WDFY3: variants seen among roughly 807,000 people sequenced by gnomAD.
WDFY3 encodes WD repeat and FYVE domain-containing protein 3.
In WDFY3, 66 loss-of-function variants were observed where a neutral mutation model predicts 409.6. The observed-to-expected ratio is 0.16, with a 90% CI of 0.13 to 0.20. WDFY3 has a LOEUF of 0.20. WDFY3 is among the 10% of genes least tolerant of loss of function. The probability of loss-of-function intolerance (pLI) is 1.00; values close to 1 mark genes in which losing one functional copy is unlikely to be tolerated. For synonymous variants in WDFY3, 1,521 were observed against 1,537.1 expected (o/e 0.99, Z 0.25); for missense variants, 3,031 against 4,298.1 (o/e 0.71, Z 8.24).
chr4:84,760,641 T>C (rs1229368974), intron 32 of WDFY3, among the ~76,000 whole-genome samples: 20 of 152,138 alleles, frequency 1.3e-4, no homozygotes, highest in Non-Finnish European at 1.8e-4. Flanking sequence ...TCTGTGGGAT[T>C]GGTGGTGATA....
At chr4:84,780,335 TC>T in intron 25 of WDFY3, 37 bp from the exon 26 acceptor site, 1 of 1,570,556 alleles carries the variant, frequency 6.4e-7, no homozygotes, top group South Asian at 1.2e-5. Flanking sequence ...TAAGATAAAT[TC>T]CCCATGTGAA....
chr4:84,961,487 T>C (rs1561171847), intron 1 of WDFY3, among the ~76,000 whole-genome samples: 1 of 152,174 alleles, frequency 6.6e-6, no homozygotes, highest in African/African-American at 2.4e-5. Flanking sequence ...AAATGGTTCA[T>C]TTTTTAAATT....
rs762543559 is a variant in WDFY3, at chr4:84,743,743, C to T, written c.6030G>A (p.Leu2010=). The T allele has an allele frequency of 6.3e-7, 1 of 1,597,040 alleles. No individual in the cohort carries two copies. The highest frequency in any genetic ancestry group is 8.6e-7 in the Non-Finnish European group (1 of 1,169,498). ...TQQKEFQTYI[L]DSVMDHLLAA... ...CAAGCAAATGGTCCATCACGCTATC[C>T]AAAATGTAAGTTTGAAATTCTTTTT... is the stretch of plus-strand genomic sequence containing the variant. The change falls in exon 37 of 68, where the codon TTG becomes TTA. Residue 2010 remains leucine (L), a synonymous_variant. Transcript: ENST00000295888.
At chr4:84,736,942 T>C (rs1160382696) in intron 41 of WDFY3, among the ~76,000 whole-genome samples, 1 of 149,410 alleles carries the variant, frequency 6.7e-6, no homozygotes, top group Non-Finnish European at 1.5e-5. Flanking sequence ...CTGTTAGCAA[T>C]GCATTACATT....
chr4:84,796,697 A>C lies in WDFY3; in HGVS notation c.2991T>G (p.His997Gln). ...GLGTDNVFSLHEDNHYRISKS... is the reference protein window; with the variant it reads ...GLGTDNVFSLQEDNHYRISKS... ...TGCTTATCCGGTAATGGTTATCTTC[A>C]TGTAAGCTAAAAACATTATCAGTAC... The change falls in exon 19 of 68, where the codon CAT becomes CAG. Residue 997 changes from histidine (H) to glutamine (Q), a missense_variant. By Grantham distance (24) the His-to-Gln change is conservative. Transcript: ENST00000295888. 1 of 1,614,146 alleles carries C rather than the reference A, an allele frequency of 6.2e-7. No individual in the cohort carries two copies.
intron 1 of WDFY3, among the ~76,000 whole-genome samples, chr4:84,944,109 A>C (rs1446630876): frequency 6.6e-6 from 1 of 152,234 alleles, no homozygotes; most frequent in Non-Finnish European, 1.5e-5. Context: ...CTGATTGTCA[A>C]ATACATATGC....
chr4:84,750,238 T>C (rs894836861), intron 36 of WDFY3, among the ~76,000 whole-genome samples: 3 of 152,186 alleles, frequency 2.0e-5, no homozygotes, highest in Admixed American at 6.5e-5. Context: ...AGACGTTCCA[T>C]TGGGCCTGCT....
At chr4:84,692,757 A>C in intron 59 of WDFY3, 128 bp downstream of exon 59, 1 of 872,170 alleles carries the variant, frequency 1.1e-6, no homozygotes, top group Non-Finnish European at 1.7e-6. Flanking sequence ...TAGTAATCTA[A>C]CACAAAATGT....
chr4:84,809,650 CAATGAGAACT>C (rs1752144493), intron 14 of WDFY3: 2 of 398,774 alleles, frequency 5.0e-6, no homozygotes, highest in South Asian at 9.7e-5. Flanking sequence ...CCAATAACTG[CAATGAGAACT>C]AATTGAACCT....
chr4:84,760,663 A>AT (rs1742395989), intron 32 of WDFY3, among the ~76,000 whole-genome samples: 1 of 151,290 alleles, frequency 6.6e-6, no homozygotes, highest in African/African-American at 2.4e-5. Context: ...CCCCTTTATC[A>AT]TTTTTTATTG....
chr4:84,812,695 G>C (rs1026106458), intron 13 of WDFY3, among the ~76,000 whole-genome samples: 6 of 152,098 alleles, frequency 3.9e-5, no homozygotes, highest in Non-Finnish European at 5.9e-5. Context: ...TCACTGGTTA[G>C]AATTATGACT....
At chr4:84,696,603 C>A (rs748611786) in intron 57 of WDFY3, 129 bp downstream of exon 57, 2 of 815,506 alleles carry the variant, frequency 2.5e-6, no homozygotes, top group Non-Finnish European at 3.9e-6. Context: ...GGGATGTATC[C>A]CCTGTAGATA....
chr4:84,883,540 G>A (rs1763815158), intron 3 of WDFY3, among the ~76,000 whole-genome samples: 1 of 152,036 alleles, frequency 6.6e-6, no homozygotes. Flanking sequence ...TATTTCCTAG[G>A]CTTATTTATT....
At chr4:84,844,644 C>A (rs1436358671) in intron 5 of WDFY3, 1 of 559,332 alleles carries the variant, frequency 1.8e-6, no homozygotes, top group African/African-American at 2.0e-5. Context: ...GATTGCACTA[C>A]TAGGTTTAAC....
intron 43 of WDFY3, among the ~76,000 whole-genome samples, chr4:84,734,446 T>C (rs1737107455): frequency 6.6e-6 from 1 of 152,190 alleles, no homozygotes; most frequent in African/African-American, 2.4e-5. Context: ...AAGGATCTAG[T>C]GTTATATCCG....
chr4:84,839,487 A>G (rs894881091), intron 6 of WDFY3, among the ~76,000 whole-genome samples: 2 of 152,054 alleles, frequency 1.3e-5, no homozygotes, highest in African/African-American at 4.8e-5. Context: ...CCTGAGATGC[A>G]GGCCTTCCTA....
In WDFY3 at chr4:84,824,090, C is replaced by T. The variant is rs186427499; in HGVS notation, c.1124-2539G>A. On this transcript the variant is annotated intron_variant, in intron 10 of 67. Transcript: ENST00000295888. ...AATAATACCCAGCATTAAAAAGGAACAAACTTCTGATACATGCAATAACAT... is the reference window on the plus strand; with the variant it reads ...AATAATACCCAGCATTAAAAAGGAATAAACTTCTGATACATGCAATAACAT... Among the ~76,000 whole-genome samples the T allele has an allele frequency of 3.9e-5, 6 of 152,190 alleles. No homozygotes were observed. The East Asian group carries it at 1.2e-3, about 29-fold the overall frequency.
At chr4:84,953,281 G>A (rs959051435) in intron 1 of WDFY3, among the ~76,000 whole-genome samples, 2 of 151,764 alleles carry the variant, frequency 1.3e-5, no homozygotes, top group African/African-American at 4.8e-5. Context: ...TAGTTATGAG[G>A]GTCACGGTTG....
rs571195291 is a variant in WDFY3, at chr4:84,930,295, G to A, written c.-132+1975C>T. Reference sequence around the variant, plus strand: ...AAGAAAAAAGATATTAGTCCATACCGGAAAATCTTAGGACCACAGATATTT... The same window carrying A: ...AAGAAAAAAGATATTAGTCCATACCAGAAAATCTTAGGACCACAGATATTT... On this transcript the variant is annotated intron_variant, in intron 2 of 67. Transcript: ENST00000295888. Among the ~76,000 whole-genome samples, 8 of 152,192 alleles carry A rather than the reference G, an allele frequency of 5.3e-5. No individual in the cohort carries two copies. The South Asian group carries it at 8.3e-4, about 16-fold the overall frequency.
Sources: gnomAD v4.1 joint callset for allele counts (sites outside exome capture counted in the v4.1 genomes callset) on GRCh38, gnomAD v4.1.1 for gene constraint, MANE v1.5 for transcripts, NCBI Gene and HGNC (gene_info 2026-07-23, HGNC 2026-07-21) for gene names.